The following DPP10 variants were observed in gnomAD, a reference collection of about 807,000 sequenced individuals.
DPP10 encodes the protein inactive dipeptidyl peptidase 10.
In DPP10, 33 loss-of-function variants were observed where a neutral mutation model predicts 120.9. That is an observed-to-expected ratio of 0.27 (90% CI 0.21 to 0.37). The LOEUF is 0.37. DPP10 is among the 10% of genes least tolerant of loss of function. The pLI is 1.00. For missense variants in DPP10, 816 were observed against 942.8 expected, an observed-to-expected ratio of 0.87 and a Z score of 1.76; for synonymous variants, 337 against 326.1, an observed-to-expected ratio of 1.03 and a Z score of -0.36.
At chr2:114,795,435 G>A (rs1405563694) in intron 1 of DPP10, among the ~76,000 whole-genome samples, 2 of 151,978 alleles carry the variant, frequency 1.3e-5, no homozygotes, top group African/African-American at 4.8e-5. Context: ...AGGTTTCAGT[G>A]AGCCGAGATT....
intron 1 of DPP10, among the ~76,000 whole-genome samples, chr2:114,652,357 A>G (rs1696655277): frequency 6.6e-6 from 1 of 152,228 alleles, no homozygotes. Context: ...ACAGAACCCC[A>G]GAGAAATTTT....
chr2:115,151,788 T>A (rs980297679), intron 1 of DPP10, among the ~76,000 whole-genome samples: 1 of 151,910 alleles, frequency 6.6e-6, no homozygotes, highest in Non-Finnish European at 1.5e-5. Context: ...ATGGATCTTT[T>A]TGCCATCTAT....
intron 1 of DPP10, among the ~76,000 whole-genome samples, chr2:115,030,053 T>C (rs1461182837): frequency 6.6e-6 from 1 of 152,172 alleles, no homozygotes; most frequent in East Asian, 1.9e-4. Context: ...TCCAGGACTT[T>C]CAACAATGAA....
At chr2:115,045,828 G>A (rs1025259035) in intron 1 of DPP10, among the ~76,000 whole-genome samples, 2 of 152,090 alleles carry the variant, frequency 1.3e-5, no homozygotes, top group Non-Finnish European at 2.9e-5. Context: ...TTGTGGAGTC[G>A]ATCACTGGAG....
intron 1 of DPP10, among the ~76,000 whole-genome samples, chr2:115,264,635 A>G (rs984395894): frequency 9.9e-5 from 15 of 152,238 alleles, no homozygotes; most frequent in African/African-American, 3.4e-4. Context: ...TATCTGTCAC[A>G]TGAAATATGC....
intron 1 of DPP10, among the ~76,000 whole-genome samples, chr2:114,717,668 A>G (rs1188302694): frequency 6.6e-6 from 1 of 152,232 alleles, no homozygotes; most frequent in Non-Finnish European, 1.5e-5. Context: ...CCATGTAATG[A>G]ATGCCATAAT....
chr2:114,750,659 A>G (rs1337079871), intron 1 of DPP10, among the ~76,000 whole-genome samples: 1 of 152,170 alleles, frequency 6.6e-6, no homozygotes, highest in Non-Finnish European at 1.5e-5. Flanking sequence ...CACTTCCTCA[A>G]GGAGCCCAGT....
intron 1 of DPP10, among the ~76,000 whole-genome samples, chr2:114,552,853 C>T (rs1687998379): frequency 2.0e-5 from 3 of 152,080 alleles, no homozygotes; most frequent in Admixed American, 2.0e-4. Flanking sequence ...GCCCATTATA[C>T]ATTCTTTCTA....
intron 1 of DPP10, among the ~76,000 whole-genome samples, chr2:114,940,660 C>T (rs1033125703): frequency 6.6e-6 from 1 of 151,908 alleles, no homozygotes; most frequent in Non-Finnish European, 1.5e-5. Context: ...GAAACTTTGT[C>T]TTTACCTTGT....
intron 3 of DPP10, among the ~76,000 whole-genome samples, chr2:115,489,382 A>C (rs747193660): frequency 3.3e-5 from 5 of 151,836 alleles, no homozygotes; most frequent in Non-Finnish European, 7.4e-5. Context: ...AGGACCCCAG[A>C]AAAACCTGAA....
intron 1 of DPP10, among the ~76,000 whole-genome samples, chr2:114,469,770 A>C (rs1679749573): frequency 6.6e-6 from 1 of 152,128 alleles, no homozygotes; most frequent in Non-Finnish European, 1.5e-5. Context: ...TGAATGGCCA[A>C]ATGGTTGAAC....
Position 115,790,976 on chromosome 2 carries a change from C to G in DPP10, c.1532-105C>G, listed in dbSNP as rs1408529884. 4.1e-6 allele frequency: 3 copies of G among 723,758 alleles called. No individual in the cohort carries two copies. The Admixed American group carries it at 8.9e-5, about 21-fold the overall frequency. 44.8% of individuals were successfully genotyped at this position (723,758 alleles called of 1,614,324 possible). A position where few individuals can be genotyped will look rare whatever the true frequency, so the allele number is the denominator to read the frequency against. The stretch of plus-strand genomic sequence containing the variant: ...AAGAGAAATGATGAGTTAATCAGCA[C>G]AGTGCCTGCCAAATGGTAACAAGTG... On this transcript the variant is annotated intron_variant, in intron 17 of 25. Transcript: ENST00000410059.
intron 1 of DPP10, among the ~76,000 whole-genome samples, chr2:114,736,885 C>A (rs1278205457): frequency 6.6e-6 from 1 of 152,156 alleles, no homozygotes; most frequent in African/African-American, 2.4e-5. Context: ...GGCTTGCTAG[C>A]TATTTAGTGG....
chr2:115,629,584 A>C (rs1372589913), intron 5 of DPP10, among the ~76,000 whole-genome samples: 1 of 151,966 alleles, frequency 6.6e-6, no homozygotes, highest in Non-Finnish European at 1.5e-5. Flanking sequence ...GCATTTTTTC[A>C]TGTGTTTTTT....
At chr2:115,240,932 A>G (rs779336265) in intron 1 of DPP10, among the ~76,000 whole-genome samples, 1 of 152,214 alleles carries the variant, frequency 6.6e-6, no homozygotes, top group African/African-American at 2.4e-5. Flanking sequence ...GTAATGTGAC[A>G]TAGTACTAAA....
chr2:114,729,537 C>A (rs1013818257), intron 1 of DPP10, among the ~76,000 whole-genome samples: 2 of 152,190 alleles, frequency 1.3e-5, no homozygotes, highest in African/African-American at 4.8e-5. Context: ...AGGAAAAGCC[C>A]AAAGTTTGGT....
intron 1 of DPP10, among the ~76,000 whole-genome samples, chr2:114,987,804 C>CTTTTTT (rs59203543): frequency 5.9e-5 from 6 of 101,036 alleles, no homozygotes; most frequent in South Asian, 3.7e-4. Context: ...TGGAGACTGT[C>CTTTTTT]TTTTTTTTTT....
At chr2:115,804,652 C>G (rs1438229295) in intron 19 of DPP10, among the ~76,000 whole-genome samples, 1 of 152,188 alleles carries the variant, frequency 6.6e-6, no homozygotes, top group Non-Finnish European at 1.5e-5. Context: ...TTCTAACAGT[C>G]AGGACCCTCA....
At chr2:114,890,198 G>A (rs1323156870) in intron 1 of DPP10, among the ~76,000 whole-genome samples, 1 of 152,164 alleles carries the variant, frequency 6.6e-6, no homozygotes, top group African/African-American at 2.4e-5. Context: ...CAGGTTGACT[G>A]ATACCTTAGC....
Sources: gnomAD v4.1 joint callset for allele counts (sites outside exome capture counted in the v4.1 genomes callset) on GRCh38, gnomAD v4.1.1 for gene constraint, MANE v1.5 for transcripts, NCBI Gene and HGNC (gene_info 2026-07-23, HGNC 2026-07-21) for gene names.